Variants in SLC6A17 observed in about 807,000 individuals in gnomAD.
The protein encoded by SLC6A17 is solute carrier family 6 member 17, also known as sodium-dependent neutral amino acid transporter SLC6A17.
Under a neutral mutation model 64.5 loss-of-function variants are expected in SLC6A17, and 21 were observed. The observed-to-expected ratio is 0.33, with a 90% CI of 0.23 to 0.47. The LOEUF (loss-of-function observed/expected upper bound fraction) is 0.47. Ranked by LOEUF, SLC6A17 falls within the 20% of genes least tolerant of loss-of-function variation. The pLI is 1.00. For missense variants in SLC6A17, 682 were observed against 963.2 expected, an observed-to-expected ratio of 0.71 and a Z score of 3.86; for synonymous variants, 372 against 399.5, an observed-to-expected ratio of 0.93 and a Z score of 0.82.
intron 6 of SLC6A17, among the ~76,000 whole-genome samples, chr1:110,186,427 A>T (rs1304621339): frequency 6.8e-6 from 1 of 147,084 alleles, no homozygotes; most frequent in East Asian, 2.0e-4. Context: ...TGACATAGAT[A>T]AAAAAGGAAA....
chr1:110,193,133 TC>T (rs1656875069), intron 8 of SLC6A17, among the ~76,000 whole-genome samples: 1 of 152,194 alleles, frequency 6.6e-6, no homozygotes, highest in Non-Finnish European at 1.5e-5. Flanking sequence ...TTCATATTGT[TC>T]CCTACCTTAC....
rs1377639355 is a variant in SLC6A17 at position 110,192,612 on chromosome 1, A to C, written c.1213A>C (p.Met405Leu). The C allele has an allele frequency of 6.2e-7, 1 of 1,614,136 alleles. No homozygotes were observed. Among genetic ancestry groups the C allele is most frequent in the Admixed American group, 1.7e-5 (1 of 60,018 alleles). The change falls in exon 8 of 12, where the codon ATG becomes CTG. Residue 405 changes from methionine to leucine, a missense_variant. Coordinates refer to ENST00000331565, the MANE Select transcript of SLC6A17 (RefSeq NM_001010898.4). This position sits in a 1 kb window ranked among gnomAD's most constrained non-coding sequence, Gnocchi z 4.3. ...SHLTTKDYME[M>L]YNVIMTVKED... ...CCTGACCACAAAGGACTACATGGAG[A>C]TGTACAATGTCATCATGACCGTGAA...
intron 1 of SLC6A17, among the ~76,000 whole-genome samples, chr1:110,160,997 G>A (rs11579877): frequency 0.46 from 69,283 of 151,874 alleles, 16,634 homozygotes; most frequent in Non-Finnish European, 0.54. Flanking sequence ...AGCTGAGCAC[G>A]CCTACAGGAC....
chr1:110,192,689 G>C lies in SLC6A17; in HGVS notation c.1290G>C (p.Glu430Asp). 1 of 1,613,488 alleles carries C rather than the reference G, an allele frequency of 6.2e-7. No individual in the cohort carries two copies. The change falls in exon 8 of 12, where the codon GAG (glutamate) becomes GAC (aspartate). Residue 430 changes from glutamate (E) to aspartate (D), a missense_variant. Glu to Asp is a conservative substitution (Grantham distance 45, BLOSUM62 2). Around this residue, in one of 3 missense-constraint regions of SLC6A17, gnomAD observed 415 missense variants for 603.8 expected, o/e 0.69. Coordinates refer to ENST00000331565, the MANE Select transcript of SLC6A17 (RefSeq NM_001010898.4). This position sits in a 1 kb window ranked among gnomAD's most constrained non-coding sequence, Gnocchi z 4.3. Reference sequence around the variant, plus strand: ...TTGACCCCTGCCTTCTGGAGGACGAGCTGGACAAGGTGCGGGGACAGGCTG... The same window carrying C: ...TTGACCCCTGCCTTCTGGAGGACGACCTGGACAAGGTGCGGGGACAGGCTG... ...LGLDPCLLED[E>D]LDKSVQGTGL...
intron 2 of SLC6A17, among the ~76,000 whole-genome samples, 191 bp downstream of exon 2, chr1:110,167,406 A>C (rs1444353010): frequency 1.3e-5 from 2 of 152,168 alleles, no homozygotes; most frequent in African/African-American, 4.8e-5. Flanking sequence ...GGACATGATA[A>C]GAAAGTGGGC....
intron 2 of SLC6A17, among the ~76,000 whole-genome samples, chr1:110,171,536 G>C (rs1002870692): frequency 2.6e-5 from 4 of 152,186 alleles, no homozygotes; most frequent in Non-Finnish European, 5.9e-5. Flanking sequence ...CCCTCTCCCT[G>C]GAGAGCTTCC....
At chr1:110,193,351 G>A (rs560015448) in intron 8 of SLC6A17, among the ~76,000 whole-genome samples, 1 of 152,314 alleles carries the variant, frequency 6.6e-6, no homozygotes, top group Admixed American at 6.5e-5. Context: ...TGCTGGGGGT[G>A]CTGACTCCTC....
intron 10 of SLC6A17, 147 bp from the exon 11 acceptor site, chr1:110,197,290 C>A: frequency 9.0e-7 from 1 of 1,111,638 alleles, no homozygotes; most frequent in Non-Finnish European, 1.3e-6. Context: ...AGCCAGACCA[C>A]ACACAATGAG....
chr1:110,160,071 A>G lies in SLC6A17; in HGVS notation c.-87-6772A>G, dbSNP rs373504559. The stretch of plus-strand genomic sequence containing the variant: ...ACCACTCTGTTCATTTGATTTTTCA[A>G]TAAGCTTTTCTTTCTCTTTCTCCTT... On this transcript the variant is annotated intron_variant, in intron 1 of 11. Coordinates refer to ENST00000331565, the MANE Select transcript of SLC6A17 (RefSeq NM_001010898.4). 1.5e-3 allele frequency among the ~76,000 whole-genome samples: 223 copies of G among 152,366 alleles called. 4 individuals are homozygous for G. In the South Asian group the frequency reaches 0.042, roughly 28 times the overall value.
At position 110,199,705 on chromosome 1, in the gene SLC6A17, C is replaced by T. The variant is rs914165862; in HGVS notation, c.*1261C>T. 5 of 359,148 alleles carry T rather than the reference C, an allele frequency of 1.4e-5. No individual in the cohort carries two copies. Among genetic ancestry groups the T allele is most frequent in the Non-Finnish European group, 2.5e-5 (5 of 201,080 alleles). The allele number at this position is 359,148 out of a possible 1,614,324, so 22.2% of individuals were successfully genotyped here. On this transcript the variant is annotated 3_prime_UTR_variant, in exon 12 of 12. Coordinates refer to ENST00000331565, the MANE Select transcript of SLC6A17 (RefSeq NM_001010898.4). ...CAAGGGCTGGTCTTCAGGATGGAGG[C>T]CAGCCTGTGCAGAAGGCTGCAGCTG... is the stretch of plus-strand genomic sequence containing the variant.
In SLC6A17 at chr1:110,192,145, G is replaced by A. The variant is rs1656843432; in HGVS notation, c.1038G>A (p.Leu346=). The change falls in exon 7 of 12, where the codon TTG becomes TTA. Residue 346 remains leucine, a synonymous_variant. Transcript: ENST00000331565. The surrounding 1 kb of genome is among the most constrained non-coding windows in gnomAD (Gnocchi z 4.3). ...VSFINFFTSV[L]ATLVVFAVLG... Reference sequence around the variant, plus strand: ...TCATCAACTTCTTCACGTCAGTGTTGGCCACCCTCGTGGTGTTTGCTGTGC... The same window carrying A: ...TCATCAACTTCTTCACGTCAGTGTTAGCCACCCTCGTGGTGTTTGCTGTGC... The A allele has an allele frequency of 6.2e-7, 1 of 1,614,018 alleles. No homozygotes were observed. Among genetic ancestry groups the A allele is most frequent in the African/African-American group, 1.3e-5 (1 of 74,898 alleles).
chr1:110,199,810 A>C lies in SLC6A17; in HGVS notation c.*1366A>C. 5.2e-6 allele frequency: 2 copies of C among 385,490 alleles called. No individual in the cohort carries two copies. The highest frequency in any genetic ancestry group is 9.2e-6 in the Non-Finnish European group (2 of 218,312). 23.9% of individuals were successfully genotyped at this position (385,490 alleles called of 1,614,324 possible). A position where few individuals can be genotyped will look rare whatever the true frequency, so the allele number is the denominator to read the frequency against. ...ATTCTCAGAGTGCAGCCAGGGAGGA[A>C]CCTGACCCAAGAGTAAATGTCTGCA... On this transcript the variant is annotated 3_prime_UTR_variant, in exon 12 of 12. Coordinates refer to ENST00000331565, the MANE Select transcript of SLC6A17 (RefSeq NM_001010898.4).
At chr1:110,182,001 C>G (rs1416009369) in intron 6 of SLC6A17, among the ~76,000 whole-genome samples, 2 of 152,122 alleles carry the variant, frequency 1.3e-5, no homozygotes, top group African/African-American at 4.8e-5. Flanking sequence ...CATGATCTGA[C>G]TTCTTAGGAC....
In SLC6A17 at chr1:110,198,670, CTA is replaced by C; in HGVS notation, c.*227_*228del. The C allele has an allele frequency of 1.5e-6, 1 of 683,750 alleles. No individual in the cohort carries two copies. Among genetic ancestry groups the C allele is most frequent in the Non-Finnish European group, 2.3e-6 (1 of 440,562 alleles). The allele number at this position is 683,750 out of a possible 1,614,324, so 42.4% of individuals were successfully genotyped here. ...TTTCCTAATTCAGGACCCCACTCAT[CTA>C]GCCCTCCAAGAGCCTCCGCCAAATT... On this transcript the variant is annotated 3_prime_UTR_variant, in exon 12 of 12. Transcript: ENST00000331565.
chr1:110,198,608 C>A lies in SLC6A17; in HGVS notation c.*164C>A. 1 of 1,207,578 alleles carries A rather than the reference C, an allele frequency of 8.3e-7. No individual in the cohort carries two copies. The highest frequency in any genetic ancestry group is 1.1e-6 in the Non-Finnish European group (1 of 884,266). The allele number at this position is 1,207,578 out of a possible 1,614,324, so 74.8% of individuals were successfully genotyped here. ...CCCTCTTCAGTCCCAGTAGACTCTG[C>A]TCCCTAGCCCTGAGCAGGAGGCTGG... On this transcript the variant is annotated 3_prime_UTR_variant, in exon 12 of 12. Transcript: ENST00000331565.
intron 1 of SLC6A17, among the ~76,000 whole-genome samples, chr1:110,156,977 C>T (rs1655776826): frequency 6.6e-6 from 1 of 152,224 alleles, no homozygotes; most frequent in South Asian, 2.1e-4. Context: ...TGTGAGGACT[C>T]ATCTGTCCCC....
In SLC6A17 at chr1:110,150,903, C is replaced by G. The variant is rs1399436662; in HGVS notation, c.-88+20C>G. On this transcript the variant is annotated intron_variant, in intron 1 of 11. Coordinates refer to ENST00000331565, the MANE Select transcript of SLC6A17 (RefSeq NM_001010898.4). ...TGACAGGTGAGTCGCTGGCCGCGCCCCGCCTGGCTTTACCGGGCCGGCCAC... is the reference window on the plus strand; with the variant it reads ...TGACAGGTGAGTCGCTGGCCGCGCCGCGCCTGGCTTTACCGGGCCGGCCAC... 6.6e-6 allele frequency: 1 copy of G among 152,222 alleles called. No individual in the cohort carries two copies. The highest frequency in any genetic ancestry group is 3.2e-3 in the Middle Eastern group (1 of 314). The allele number at this position is 152,222 out of a possible 1,614,324, so 9.4% of individuals were successfully genotyped here.
intron 6 of SLC6A17, among the ~76,000 whole-genome samples, chr1:110,183,186 T>C (rs1557837614): frequency 1.3e-5 from 2 of 152,188 alleles, no homozygotes; most frequent in Admixed American, 1.3e-4. Flanking sequence ...CATAGCAGCA[T>C]TGTGTATTAT....
At chr1:110,189,056 A>G (rs1487178209) in intron 6 of SLC6A17, among the ~76,000 whole-genome samples, 1 of 152,004 alleles carries the variant, frequency 6.6e-6, no homozygotes. Flanking sequence ...TCTTCCCTGC[A>G]TTCAGTGTTG....
Sources: allele counts gnomAD v4.1 joint callset (sites outside exome capture counted in the v4.1 genomes callset), GRCh38; gene constraint gnomAD v4.1.1; regional missense constraint gnomAD v4.1.1; non-coding constraint Gnocchi (gnomAD v3.1); transcripts MANE v1.5; gene names NCBI Gene and HGNC (gene_info 2026-07-23, HGNC 2026-07-21).